GATAD2B: variants seen among roughly 807,000 people sequenced by gnomAD.
The protein encoded by GATAD2B is GATA zinc finger domain containing 2B, also known as transcriptional repressor p66-beta.
In GATAD2B, 8 loss-of-function variants were observed where a neutral mutation model predicts 64.3. That is an observed-to-expected ratio of 0.12 (90% CI 0.07 to 0.22). The LOEUF is 0.22. Ranked by LOEUF, GATAD2B falls within the 10% of genes least tolerant of loss-of-function variation. The pLI is 1.00. For missense variants in GATAD2B, 453 were observed against 752.0 expected, an observed-to-expected ratio of 0.60 and a Z score of 4.65; for synonymous variants, 281 against 271.3, an observed-to-expected ratio of 1.04 and a Z score of -0.35.
chr1:153,840,624 A>T (rs1329687246), intron 1 of GATAD2B, among the ~76,000 whole-genome samples: 1 of 152,248 alleles, frequency 6.6e-6, no homozygotes. Flanking sequence ...GGTGTGAGCC[A>T]CTGGGCCCAG....
At chr1:153,852,044 A>G (rs1009648675) in intron 1 of GATAD2B, 4 of 464,408 alleles carry the variant, frequency 8.6e-6, no homozygotes, top group South Asian at 4.5e-5. Flanking sequence ...TAATTTCAAC[A>G]TAACGAAAGG....
At chr1:153,862,118 C>CTTTTTTTT (rs754580519) in intron 1 of GATAD2B, among the ~76,000 whole-genome samples, 2 of 101,180 alleles carry the variant, frequency 2.0e-5, no homozygotes, top group Non-Finnish European at 3.9e-5. Flanking sequence ...ACATTATATC[C>CTTTTTTTT]TTTTTTTTTT....
intron 1 of GATAD2B, among the ~76,000 whole-genome samples, chr1:153,877,311 C>T (rs924885973): frequency 6.6e-6 from 1 of 152,074 alleles, no homozygotes; most frequent in Non-Finnish European, 1.5e-5. Flanking sequence ...CTACTGCACT[C>T]CAGCCTGGGC....
intron 1 of GATAD2B, among the ~76,000 whole-genome samples, chr1:153,844,968 G>A (rs919180755): frequency 1.3e-5 from 2 of 150,834 alleles, no homozygotes; most frequent in African/African-American, 4.9e-5. Flanking sequence ...GACCCCTAAT[G>A]AGAAGAATAA....
At chr1:153,916,393 GC>G (rs1396978115) in intron 1 of GATAD2B, among the ~76,000 whole-genome samples, 1 of 152,138 alleles carries the variant, frequency 6.6e-6, no homozygotes, top group Non-Finnish European at 1.5e-5. Flanking sequence ...CACAGAAGAA[GC>G]TAGATTCAGA....
intron 1 of GATAD2B, among the ~76,000 whole-genome samples, chr1:153,910,275 T>G (rs534173356): frequency 3.9e-5 from 6 of 152,284 alleles, no homozygotes; most frequent in African/African-American, 1.4e-4. Flanking sequence ...GCCAAGCATG[T>G]ACATTCCCCA....
intron 1 of GATAD2B, among the ~76,000 whole-genome samples, chr1:153,849,329 G>A (rs1438071842): frequency 6.6e-6 from 1 of 152,070 alleles, no homozygotes; most frequent in Non-Finnish European, 1.5e-5. Context: ...CACCCATGAG[G>A]GTAAAGCCCT....
At chr1:153,850,920 C>CA (rs879637778) in intron 1 of GATAD2B, among the ~76,000 whole-genome samples, 3,414 of 138,340 alleles carry the variant, frequency 0.025, 125 homozygotes, top group African/African-American at 0.082. Flanking sequence ...GACTCCACCT[C>CA]AAAAAAAAAA....
chr1:153,836,263 GTT>G (rs754264117), intron 1 of GATAD2B, among the ~76,000 whole-genome samples: 22 of 106,560 alleles, frequency 2.1e-4, no homozygotes, highest in Admixed American at 2.9e-4. Flanking sequence ...AAAAAAATTT[GTT>G]TTTTTTTTTT....
At chr1:153,907,606 T>C (rs1310420646) in intron 1 of GATAD2B, among the ~76,000 whole-genome samples, 1 of 152,046 alleles carries the variant, frequency 6.6e-6, no homozygotes, top group Non-Finnish European at 1.5e-5. Context: ...ATGTATTTAA[T>C]GCCACTAAAC....
chr1:153,852,688 CTTT>C, intron 1 of GATAD2B: 1 of 918,424 alleles, frequency 1.1e-6, no homozygotes, highest in Non-Finnish European at 1.8e-6. Context: ...TGCTTAGCTT[CTTT>C]AACCCTGCTG....
intron 1 of GATAD2B, 101 bp from the exon 2 acceptor site, chr1:153,828,449 CACACAT>C: frequency 3.3e-6 from 2 of 605,714 alleles, no homozygotes; most frequent in South Asian, 2.0e-5. Flanking sequence ...ATCTCTCTCT[CACACAT>C]ACACACACAC....
intron 1 of GATAD2B, among the ~76,000 whole-genome samples, chr1:153,832,291 C>T (rs1224876442): frequency 2.6e-5 from 4 of 151,892 alleles, no homozygotes; most frequent in South Asian, 2.1e-4. Flanking sequence ...TATTCCAATG[C>T]ACACACAAAT....
rs187309596 is a variant in GATAD2B at position 153,852,697 on chromosome 1, T to C, written c.-1-24349A>G. On this transcript the variant is annotated intron_variant, in intron 1 of 10. Transcript: ENST00000368655. Reference sequence around the variant, plus strand: ...CTTTTTTGCTTAGCTTCTTTAACCCTGCTGAGAGCCTGCTCATACGAAGTG... The same window carrying C: ...CTTTTTTGCTTAGCTTCTTTAACCCCGCTGAGAGCCTGCTCATACGAAGTG... The C allele has an allele frequency of 3.4e-4, 312 of 923,828 alleles. 2 individuals are homozygous for C. The African/African-American group carries it at 4.6e-3, about 14-fold the overall frequency. 57.2% of individuals were successfully genotyped at this position (923,828 alleles called of 1,614,324 possible).
At chr1:153,892,877 T>A (rs1677462347) in intron 1 of GATAD2B, among the ~76,000 whole-genome samples, 1 of 151,996 alleles carries the variant, frequency 6.6e-6, no homozygotes, top group Non-Finnish European at 1.5e-5. Flanking sequence ...GTATTTTTAG[T>A]AGAGACGGGG....
At position 153,828,269 on chromosome 1, in the gene GATAD2B, C is replaced by T. The variant is rs1048016223; in HGVS notation, c.79G>A (p.Val27Ile). The change falls in exon 2 of 11, where the codon GTC becomes ATC. Residue 27 changes from valine to isoleucine, a missense_variant. By Grantham distance (29) the Val-to-Ile change is conservative (BLOSUM62 3). This residue lies in a region of GATAD2B where 293 missense variants were observed against 417.2 expected (regional missense o/e 0.70). Transcript: ENST00000368655. ...TCCATTTTGAGTCGCTTTGCCAGGACATCATCTCGCTCATCTGCTGGGTCC... is the reference window on the plus strand; with the variant it reads ...TCCATTTTGAGTCGCTTTGCCAGGATATCATCTCGCTCATCTGCTGGGTCC... Reference protein sequence around the residue: ...SLDPADERDDVLAKRLKMEGH... With the variant: ...SLDPADERDDILAKRLKMEGH... 8 of 1,613,952 alleles carry T rather than the reference C, an allele frequency of 5.0e-6. No homozygotes were observed. The African/African-American group carries it at 9.3e-5, about 19-fold the overall frequency.
chr1:153,821,371 A>G (rs1674678917), intron 2 of GATAD2B, among the ~76,000 whole-genome samples: 1 of 152,184 alleles, frequency 6.6e-6, no homozygotes, highest in Non-Finnish European at 1.5e-5. Context: ...AAAATCAACC[A>G]AACTTAGGTA....
At chr1:153,898,199 G>C (rs1365930867) in intron 1 of GATAD2B, among the ~76,000 whole-genome samples, 1 of 146,822 alleles carries the variant, frequency 6.8e-6, no homozygotes, top group Non-Finnish European at 1.5e-5. Context: ...CCAGCTACTA[G>C]AGAGGCTAAG....
chr1:153,855,969 C>A (rs1021961841), intron 1 of GATAD2B, among the ~76,000 whole-genome samples: 1 of 152,220 alleles, frequency 6.6e-6, no homozygotes, highest in Admixed American at 6.5e-5. Context: ...AGGCATGAGT[C>A]ACCGTGCCCA....
Sources: gnomAD v4.1 joint callset for allele counts (sites outside exome capture counted in the v4.1 genomes callset) on GRCh38, gnomAD v4.1.1 for gene constraint, gnomAD v4.1.1 regional missense constraint, MANE v1.5 for transcripts, NCBI Gene and HGNC (gene_info 2026-07-23, HGNC 2026-07-21) for gene names.